The following SCARB1 variants were observed in gnomAD, a reference collection of about 807,000 sequenced individuals.
The protein encoded by SCARB1 is scavenger receptor class B member 1.
In SCARB1, 30 loss-of-function variants were observed where a neutral mutation model predicts 57.2. That is an observed-to-expected ratio of 0.52 (90% confidence interval 0.39 to 0.71). The LOEUF (loss-of-function observed/expected upper bound fraction) is 0.71. Among genes scored for constraint, SCARB1 ranks in the 30% least tolerant of loss-of-function variants. The probability of loss-of-function intolerance (pLI) is 0.00; values close to 1 mark genes in which losing one functional copy is unlikely to be tolerated. For missense variants in SCARB1, 543 were observed against 671.2 expected (o/e 0.81, Z 2.11); for synonymous variants, 249 against 268.3 (o/e 0.93, Z 0.70).
Position 124,786,404 on chromosome 12 carries a change from C to T in SCARB1, c.1354G>A (p.Gly452Ser), listed in dbSNP as rs1430212055. ...HYAQYVLLAL[G>S]CVLLLVPVIC... The stretch of plus-strand genomic sequence containing the variant: ...ACAGGGACCAGCAGCAGGACGCAGC[C>T]CAGCGCCAGGAGGACGTACTGGGCA... Residue 452 changes from glycine (G) to serine (S), a missense_variant, in exon 11 of 13, where the codon GGC becomes AGC. Coordinates refer to ENST00000261693, the MANE Select transcript of SCARB1 (RefSeq NM_005505.5). 2.5e-6 allele frequency: 4 copies of T among 1,614,060 alleles called. No individual in the cohort carries two copies. The highest frequency in any genetic ancestry group is 3.4e-6 in the Non-Finnish European group (4 of 1,180,054).
intron 9 of SCARB1, among the ~76,000 whole-genome samples, chr12:124,792,030 C>A (rs1949751716): frequency 6.6e-6 from 1 of 151,882 alleles, no homozygotes; most frequent in Non-Finnish European, 1.5e-5. Flanking sequence ...TAGGGTATTG[C>A]ACAGTGAAAT....
At chr12:124,820,985 G>A (rs1320304071) in intron 1 of SCARB1, among the ~76,000 whole-genome samples, 4 of 152,160 alleles carry the variant, frequency 2.6e-5, no homozygotes, top group African/African-American at 4.8e-5. Context: ...GCTCACACCT[G>A]TAATCCCAGC....
chr12:124,842,833 G>C (rs1594366757), intron 1 of SCARB1, among the ~76,000 whole-genome samples: 1 of 152,178 alleles, frequency 6.6e-6, no homozygotes, highest in East Asian at 1.9e-4. Context: ...AGAGGCCCAG[G>C]GCTCGGATGA....
rs1949363454 is a variant in SCARB1, at chr12:124,782,694, C to G, written c.1519G>C (p.Ala507Pro). The G allele has an allele frequency of 1.2e-6, 2 of 1,613,902 alleles. No individual in the cohort carries two copies. The highest frequency in any genetic ancestry group is 8.5e-7 in the Non-Finnish European group (1 of 1,179,966). The stretch of plus-strand genomic sequence containing the variant: ...TACCTGGTACCCACCTACAGTTTTG[C>G]TTCCTGCAGCACAGAGCCCTTGGGA... Reference protein sequence around the residue: ...SAPKGSVLQEAKL With the variant: ...SAPKGSVLQEPKL Residue 507 changes from alanine (A) to proline (P), a missense_variant, in exon 12 of 13, where the codon GCA (alanine) becomes CCA (proline). Coordinates refer to ENST00000261693, the MANE Select transcript of SCARB1 (RefSeq NM_005505.5).
chr12:124,787,500 A>G, intron 9 of SCARB1, 43 bp from the exon 10 acceptor site: 1 of 1,569,848 alleles, frequency 6.4e-7, no homozygotes, highest in Non-Finnish European at 8.7e-7. Context: ...AAAGTCTTAC[A>G]CCCAAACTTG....
At position 124,796,883 on chromosome 12, in the gene SCARB1, T is replaced by C. The variant is rs1230795784; in HGVS notation, c.1129-1615A>G. Reference sequence around the variant, plus strand: ...GGCCTGAAGCTGCTCTCCTTAGGAATTCTGCTGGCATCTGGGAACCCAGAT... The same window carrying C: ...GGCCTGAAGCTGCTCTCCTTAGGAACTCTGCTGGCATCTGGGAACCCAGAT... On this transcript the variant is annotated intron_variant, in intron 8 of 12. Transcript: ENST00000261693. The surrounding 1 kb of genome is among the most constrained non-coding windows in gnomAD (Gnocchi z 4.0). Among the ~76,000 whole-genome samples the C allele has an allele frequency of 6.6e-6, 1 of 152,148 alleles. No individual in the cohort carries two copies. The highest frequency in any genetic ancestry group is 1.5e-5 in the Non-Finnish European group (1 of 68,028).
At chr12:124,849,922 G>A (rs1952320652) in intron 1 of SCARB1, among the ~76,000 whole-genome samples, 1 of 124,816 alleles carries the variant, frequency 8.0e-6, no homozygotes, top group Non-Finnish European at 1.8e-5. Flanking sequence ...AAATTAGCTG[G>A]GCATGGTGGT....
At chr12:124,809,875 C>T (rs761536105) in intron 6 of SCARB1, among the ~76,000 whole-genome samples, 1 of 152,174 alleles carries the variant, frequency 6.6e-6, no homozygotes, top group South Asian at 2.1e-4. Context: ...CAGAGGGAGC[C>T]CACCTCTCGC....
At chr12:124,791,379 G>A (rs762441117) in intron 9 of SCARB1, among the ~76,000 whole-genome samples, 16 of 152,146 alleles carry the variant, frequency 1.1e-4, no homozygotes, top group African/African-American at 2.4e-4. Context: ...GACCTTGGGC[G>A]TGCTACTGAG....
At position 124,817,061 on chromosome 12, in the gene SCARB1, CATGTGTAGGTACATGTGTGTGTATGT is replaced by C. The variant is rs1950750623; in HGVS notation, c.284+463_284+488del. Among the ~76,000 whole-genome samples the C allele has an allele frequency of 6.7e-6, 1 of 148,524 alleles. No homozygotes were observed. Among genetic ancestry groups the C allele is most frequent in the Non-Finnish European group, 1.5e-5 (1 of 67,516 alleles). ...GTGTGTGTGTGTGTATGTGTGTATG[CATGTGTAGGTACATGTGTGTGTATGT>C]ATGTGTGTGTGTATGTGTATGTACG... On this transcript the variant is annotated intron_variant, in intron 2 of 12. Transcript: ENST00000261693. This position sits in a 1 kb window ranked among gnomAD's most constrained non-coding sequence, Gnocchi z 4.8.
At chr12:124,835,039 C>A (rs754748952) in intron 1 of SCARB1, among the ~76,000 whole-genome samples, 1 of 152,138 alleles carries the variant, frequency 6.6e-6, no homozygotes, top group African/African-American at 2.4e-5. Flanking sequence ...CCTGGTGATC[C>A]GTGTTTTAGT....
rs1950629099 is a variant in SCARB1 at position 124,814,507 on chromosome 12, G to A, written c.427-102C>T. 8 of 1,294,524 alleles carry A rather than the reference G, an allele frequency of 6.2e-6. No individual in the cohort carries two copies. The highest frequency in any genetic ancestry group is 8.9e-6 in the Non-Finnish European group (8 of 903,590). 80.2% of individuals were successfully genotyped at this position (1,294,524 alleles called of 1,614,324 possible). ...CAGCAAAGAGCCCATGAAGGGAAAT[G>A]CTGGGGTGCAGGAGGCCCCTGGAGT... is the stretch of plus-strand genomic sequence containing the variant. On this transcript the variant is annotated intron_variant, in intron 3 of 12. Coordinates refer to ENST00000261693, the MANE Select transcript of SCARB1 (RefSeq NM_005505.5). This position sits in a 1 kb window ranked among gnomAD's most constrained non-coding sequence, Gnocchi z 4.7.
At chr12:124,846,729 CAAAAAAAAAAAAAAA>C (rs5801572) in intron 1 of SCARB1, among the ~76,000 whole-genome samples, 2 of 46,032 alleles carry the variant, frequency 4.3e-5, no homozygotes, top group African/African-American at 9.4e-5. Flanking sequence ...GACTCCATCT[CAAAAAAAAAAAAAAA>C]AAAAAAAAAA....
At chr12:124,811,757 C>T in intron 5 of SCARB1, 113 bp downstream of exon 5, 1 of 747,688 alleles carries the variant, frequency 1.3e-6, no homozygotes, top group Non-Finnish European at 2.4e-6. Flanking sequence ...CCAGCACCCT[C>T]TTCACGACAA....
intron 12 of SCARB1, among the ~76,000 whole-genome samples, chr12:124,782,205 G>A (rs576364491): frequency 2.8e-4 from 42 of 152,108 alleles, no homozygotes; most frequent in Non-Finnish European, 4.9e-4. Context: ...ACCGCACCTG[G>A]CCAGTCATCC....
rs1309538346 is a variant in SCARB1 at position 124,789,442 on chromosome 12, G to A, written c.1203-1985C>T. Among the ~76,000 whole-genome samples, 1 of 152,182 alleles carries A rather than the reference G, an allele frequency of 6.6e-6. No homozygotes were observed. Among genetic ancestry groups the A allele is most frequent in the Admixed American group, 6.5e-5 (1 of 15,280 alleles). On this transcript the variant is annotated intron_variant, in intron 9 of 12. Coordinates refer to ENST00000261693, the MANE Select transcript of SCARB1 (RefSeq NM_005505.5). The surrounding 1 kb of genome is among the most constrained non-coding windows in gnomAD (Gnocchi z 4.4). ...ACCAATGCGACACCTGGGAAACTGT[G>A]ACCTGCCACGACGAAGGGGACCGTG...
At chr12:124,820,247 C>T (rs1950897761) in intron 1 of SCARB1, among the ~76,000 whole-genome samples, 1 of 152,112 alleles carries the variant, frequency 6.6e-6, no homozygotes, top group East Asian at 1.9e-4. Context: ...GTGTTCTCAT[C>T]CTCTGAACAG....
intron 12 of SCARB1, among the ~76,000 whole-genome samples, chr12:124,780,254 C>T (rs958459851): frequency 1.3e-5 from 2 of 152,118 alleles, no homozygotes; most frequent in African/African-American, 4.8e-5. Flanking sequence ...GTTCACTGCA[C>T]AAAAGGACCC....
intron 10 of SCARB1, among the ~76,000 whole-genome samples, 189 bp from the exon 11 acceptor site, chr12:124,786,692 C>T (rs368969923): frequency 4.5e-4 from 68 of 152,352 alleles, no homozygotes; most frequent in African/African-American, 1.6e-3. Flanking sequence ...TACAATTCCC[C>T]GACTCCCTTG....
Sources: gnomAD v4.1 joint callset for allele counts (sites outside exome capture counted in the v4.1 genomes callset) on GRCh38, gnomAD v4.1.1 for gene constraint, Gnocchi (gnomAD v3.1) non-coding constraint, MANE v1.5 for transcripts, NCBI Gene and HGNC (gene_info 2026-07-23, HGNC 2026-07-21) for gene names.